CSMD1: variants seen among roughly 807,000 people sequenced by gnomAD.
CSMD1 encodes CUB and Sushi multiple domains 1.
A neutral mutation model predicts 417.5 loss-of-function variants in CSMD1; 213 were observed. The ratio of observed to expected loss-of-function variants is 0.51; its 90% confidence interval spans 0.46 to 0.57. The LOEUF is 0.57. CSMD1 is among the 20% of genes least tolerant of loss of function. The pLI, the probability that CSMD1 is intolerant of heterozygous loss-of-function variation, is 0.00. For synonymous variants in CSMD1, 2,862 were observed against 1,736.8 expected, an observed-to-expected ratio of 1.65 and a Z score of -16.11; for missense variants, 6,923 against 4,529.7, an observed-to-expected ratio of 1.53 and a Z score of -15.17.
intron 5 of CSMD1, among the ~76,000 whole-genome samples, chr8:3,901,942 C>T (rs1467516299): frequency 6.6e-6 from 1 of 152,174 alleles, no homozygotes; most frequent in Non-Finnish European, 1.5e-5. Flanking sequence ...GAGGACCAGA[C>T]ATGTATTTCA....
chr8:3,599,923 C>T (rs1801281641), intron 8 of CSMD1, among the ~76,000 whole-genome samples: 1 of 152,174 alleles, frequency 6.6e-6, no homozygotes, highest in South Asian at 2.1e-4. Context: ...AACATTTCGG[C>T]ACAGCAGGAC....
chr8:2,971,084 AG>A (rs746216983), intron 57 of CSMD1, among the ~76,000 whole-genome samples: 1 of 152,204 alleles, frequency 6.6e-6, no homozygotes, highest in African/African-American at 2.4e-5. Context: ...GTATTTCCTA[AG>A]AACAAAGGCA....
intron 2 of CSMD1, among the ~76,000 whole-genome samples, chr8:4,500,319 C>T (rs376465899): frequency 6.6e-6 from 1 of 152,156 alleles, no homozygotes; most frequent in Non-Finnish European, 1.5e-5. Context: ...CAGGGATATT[C>T]TGTAACCACC....
At chr8:3,306,832 TTAAAAATATTACAGAGCTTACTTTAAAAA>T (rs1348025851) in intron 25 of CSMD1, among the ~76,000 whole-genome samples, 1 of 27,930 alleles carries the variant, frequency 3.6e-5, no homozygotes, top group Non-Finnish European at 8.2e-5. Context: ...AGAGCTTACT[TTAAAAATATTACAGAGCTTACTTTAAAAA>T]TATTACTTTT....
At chr8:4,506,567 T>C (rs1336303300) in intron 2 of CSMD1, among the ~76,000 whole-genome samples, 4 of 152,076 alleles carry the variant, frequency 2.6e-5, no homozygotes, top group Non-Finnish European at 5.9e-5. Context: ...CTCTAAATAT[T>C]ACACGGAGAG....
intron 3 of CSMD1, among the ~76,000 whole-genome samples, chr8:4,402,978 C>G (rs1246145317): frequency 1.3e-5 from 2 of 151,712 alleles, no homozygotes; most frequent in African/African-American, 4.8e-5. Context: ...TGCCACCATG[C>G]CTGGCTAATT....
intron 3 of CSMD1, among the ~76,000 whole-genome samples, chr8:4,365,328 A>G (rs1802000968): frequency 6.6e-6 from 1 of 152,244 alleles, no homozygotes; most frequent in Admixed American, 6.5e-5. Flanking sequence ...CTGTACAACT[A>G]ATTGAAATGC....
chr8:3,604,350 G>A lies in CSMD1; in HGVS notation c.1097+12360C>T, dbSNP rs200607657. 2.0e-4 allele frequency among the ~76,000 whole-genome samples: 30 copies of A among 152,290 alleles called. No homozygotes were observed. The East Asian group carries it at 3.9e-3, about 20-fold the overall frequency. On this transcript the variant is annotated intron_variant, in intron 8 of 69. Coordinates refer to ENST00000635120, the MANE Select transcript of CSMD1 (RefSeq NM_033225.6). The stretch of plus-strand genomic sequence containing the variant: ...GATTGTGTGGCCAGGAAGTAGCACG[G>A]AACAGGTACCTCATGGGGTGATGCT...
intron 1 of CSMD1, among the ~76,000 whole-genome samples, chr8:4,660,934 A>T (rs12541342): frequency 6.6e-6 from 1 of 152,026 alleles, no homozygotes; most frequent in South Asian, 2.1e-4. Flanking sequence ...CACACTTACA[A>T]TAATGGCTAA....
chr8:4,209,624 C>T (rs1281667241), intron 3 of CSMD1, among the ~76,000 whole-genome samples: 6 of 152,142 alleles, frequency 3.9e-5, no homozygotes, highest in Admixed American at 1.3e-4. Context: ...AGACAAGCCC[C>T]CGAATTGGGG....
At chr8:3,616,333 C>T (rs1842728) in intron 8 of CSMD1, among the ~76,000 whole-genome samples, 106,546 of 151,914 alleles carry the variant, frequency 0.7, 37,809 homozygotes, top group African/African-American at 0.77. Context: ...TCCTCCACTT[C>T]GCTCATTCTT....
At chr8:3,715,565 CAG>C (rs1354513035) in intron 6 of CSMD1, among the ~76,000 whole-genome samples, 10 of 152,084 alleles carry the variant, frequency 6.6e-5, no homozygotes, top group African/African-American at 2.2e-4. Flanking sequence ...CTTTTTGAGA[CAG>C]AGTCTCACTC....
chr8:3,530,941 C>A (rs576023999), intron 10 of CSMD1, among the ~76,000 whole-genome samples: 1 of 152,114 alleles, frequency 6.6e-6, no homozygotes, highest in East Asian at 1.9e-4. Context: ...CAACCTCCAC[C>A]TCCCAGGTTC....
intron 5 of CSMD1, among the ~76,000 whole-genome samples, chr8:3,975,880 G>A (rs1054592906): frequency 6.6e-6 from 1 of 151,862 alleles, no homozygotes; most frequent in African/African-American, 2.4e-5. Flanking sequence ...CAAATATTAT[G>A]TTTTCATTAG....
intron 2 of CSMD1, among the ~76,000 whole-genome samples, chr8:4,462,132 C>G (rs1477263927): frequency 6.6e-6 from 1 of 152,108 alleles, no homozygotes; most frequent in Non-Finnish European, 1.5e-5. Context: ...ACCTTGGCCT[C>G]TCAAAGTGCT....
rs576315630 is a variant in CSMD1 at position 4,269,461 on chromosome 8, T to G, written c.415+150492A>C. 2.1e-4 allele frequency among the ~76,000 whole-genome samples: 32 copies of G among 152,334 alleles called. No homozygotes were observed. The South Asian group carries it at 4.8e-3, about 23-fold the overall frequency. ...TCTCTGAAGTTTAATCAAGTATTTT[T>G]ATCAGAGCTCATGTATTCTTTGACT... On this transcript the variant is annotated intron_variant, in intron 3 of 69. Coordinates refer to ENST00000635120, the MANE Select transcript of CSMD1 (RefSeq NM_033225.6).
At chr8:3,838,160 A>G (rs1431436908) in intron 5 of CSMD1, among the ~76,000 whole-genome samples, 1 of 152,132 alleles carries the variant, frequency 6.6e-6, no homozygotes, top group African/African-American at 2.4e-5. Context: ...TAAGTATTGC[A>G]GAATACAAAT....
chr8:4,165,763 G>A (rs556307054), intron 3 of CSMD1, among the ~76,000 whole-genome samples: 3 of 152,272 alleles, frequency 2.0e-5, no homozygotes, highest in South Asian at 2.1e-4. Context: ...TCCTGGTCAT[G>A]CCATGAGGTG....
intron 3 of CSMD1, among the ~76,000 whole-genome samples, chr8:4,043,797 C>T (rs573740526): frequency 6.6e-6 from 1 of 152,108 alleles, no homozygotes. Context: ...TATGGTATTT[C>T]AAACCTTACA....
Sources: gnomAD v4.1 joint callset for allele counts (sites outside exome capture counted in the v4.1 genomes callset) on GRCh38, gnomAD v4.1.1 for gene constraint, MANE v1.5 for transcripts, NCBI Gene and HGNC (gene_info 2026-07-23, HGNC 2026-07-21) for gene names.